Variants in DCBLD1 observed in about 807,000 individuals in gnomAD.
DCBLD1 encodes the protein discoidin, CUB and LCCL domain containing 1, also known as discoidin, CUB and LCCL domain-containing protein 1.
Under a neutral mutation model 71.5 loss-of-function variants are expected in DCBLD1, and 57 were observed. The observed-to-expected ratio is 0.80, with a 90% CI of 0.64 to 0.99. The LOEUF (loss-of-function observed/expected upper bound fraction) is 0.99, where lower values mean the gene tolerates loss of function less well. Among genes scored for constraint, DCBLD1 ranks in the 50% least tolerant of loss-of-function variants. The pLI, the probability that DCBLD1 is intolerant of heterozygous loss-of-function variation, is 0.00. For synonymous variants in DCBLD1, 380 were observed against 363.8 expected, an observed-to-expected ratio of 1.04 and a Z score of -0.51; for missense variants, 891 against 923.5, an observed-to-expected ratio of 0.96 and a Z score of 0.46.
chr6:117,549,059 G>A lies in DCBLD1; in HGVS notation c.*620G>A, dbSNP rs1364748357. 3 of 986,068 alleles carry A rather than the reference G, an allele frequency of 3.0e-6. No individual in the cohort carries two copies. The highest frequency in any genetic ancestry group is 3.6e-6 in the Non-Finnish European group (3 of 830,552). 61.1% of individuals were successfully genotyped at this position (986,068 alleles called of 1,614,324 possible). A position where few individuals can be genotyped will look rare whatever the true frequency, so the allele number is the denominator to read the frequency against. ...GGGTGGTTGTTTATTTAGCAATTAT[G>A]ACTGTAGATTTAAAAACAAGCAAAG... On this transcript the variant is annotated 3_prime_UTR_variant, in exon 15 of 15. Coordinates refer to ENST00000338728, the MANE Select transcript of DCBLD1 (RefSeq NM_001366458.2).
At chr6:117,543,007 C>A in intron 11 of DCBLD1, 117 bp from the exon 12 acceptor site, 1 of 813,654 alleles carries the variant, frequency 1.2e-6, no homozygotes, top group Non-Finnish European at 2.1e-6. Context: ...AACATGTATT[C>A]ATTTTCCCCC....
chr6:117,514,021 T>G (rs535425163), intron 2 of DCBLD1, among the ~76,000 whole-genome samples: 1 of 152,276 alleles, frequency 6.6e-6, no homozygotes, highest in South Asian at 2.1e-4. Context: ...ACTGAGGACA[T>G]TGCTTAGGAC....
intron 2 of DCBLD1, among the ~76,000 whole-genome samples, chr6:117,518,264 C>G (rs1481782359): frequency 6.6e-6 from 1 of 152,196 alleles, no homozygotes; most frequent in Admixed American, 6.5e-5. Flanking sequence ...CACCTTTGCT[C>G]CAGTTCCCAA....
At chr6:117,504,796 A>T (rs1777784333) in intron 2 of DCBLD1, among the ~76,000 whole-genome samples, 1 of 152,218 alleles carries the variant, frequency 6.6e-6, no homozygotes, top group Non-Finnish European at 1.5e-5. Context: ...TGAAAACGAT[A>T]ACAAAATCTT....
rs183411442 is a variant in DCBLD1 at position 117,489,651 on chromosome 6, G to A, written c.112+6758G>A. ...TGTAATCCCAGCACTTTGGGAGGCC[G>A]AGGCGGGTGGATCACAAGGTCAGGA... On this transcript the variant is annotated intron_variant, in intron 1 of 14. Transcript: ENST00000338728. 3.8e-3 allele frequency among the ~76,000 whole-genome samples: 579 copies of A among 152,302 alleles called. 4 individuals are homozygous for A. Among genetic ancestry groups the A allele is most frequent in the Non-Finnish European group, 6.9e-3 (471 of 68,018 alleles).
At chr6:117,550,768 G>A (rs928451507), downstream of DCBLD1, among the ~76,000 whole-genome samples, 1 of 152,162 alleles carries the variant, frequency 6.6e-6, no homozygotes, top group Non-Finnish European at 1.5e-5. Flanking sequence ...AGCAGTCCAA[G>A]TGTGGCCACC....
intron 5 of DCBLD1, among the ~76,000 whole-genome samples, chr6:117,526,743 G>A (rs1005009490): frequency 1.3e-5 from 2 of 152,154 alleles, no homozygotes; most frequent in Non-Finnish European, 1.5e-5. Context: ...CAAAGAACTC[G>A]GATTAGTGCC....
chr6:117,513,279 C>A (rs914444754), intron 2 of DCBLD1, among the ~76,000 whole-genome samples: 3 of 152,118 alleles, frequency 2.0e-5, no homozygotes, highest in African/African-American at 7.2e-5. Flanking sequence ...GAAATAGTAG[C>A]CCGAAACAGG....
intron 2 of DCBLD1, among the ~76,000 whole-genome samples, chr6:117,516,334 C>G (rs1282551478): frequency 6.7e-6 from 1 of 150,308 alleles, no homozygotes; most frequent in Non-Finnish European, 1.5e-5. Flanking sequence ...GCACTCCAGC[C>G]TGGGGACAGA....
chr6:117,505,193 A>G (rs1777798192), intron 2 of DCBLD1, among the ~76,000 whole-genome samples: 1 of 152,194 alleles, frequency 6.6e-6, no homozygotes, highest in African/African-American at 2.4e-5. Context: ...ATTGTTGGTA[A>G]CTTTTTAACT....
chr6:117,545,560 G>A lies in DCBLD1; in HGVS notation c.1578G>A (p.Met526Ile). The stretch of plus-strand genomic sequence containing the variant: ...TCAGCTATGATAATGAGAAGGAGAT[G>A]ACACAAAAGTTAGATCTCATCACAA... ...FTISYDNEKE[M>I]TQKLDLITSD... is the part of the protein sequence containing the mutation. The change falls in exon 14 of 15, where the codon ATG becomes ATA. Residue 526 changes from methionine (M) to isoleucine (I), a missense_variant. Transcript: ENST00000338728. 1 of 1,614,132 alleles carries A rather than the reference G, an allele frequency of 6.2e-7. No homozygotes were observed. The highest frequency in any genetic ancestry group is 8.5e-7 in the Non-Finnish European group (1 of 1,180,020).
At chr6:117,542,166 G>T (rs1425923577) in intron 11 of DCBLD1, among the ~76,000 whole-genome samples, 4 of 151,836 alleles carry the variant, frequency 2.6e-5, no homozygotes, top group Non-Finnish European at 4.4e-5. Flanking sequence ...GGCAGCATGC[G>T]CCTGTAGTCC....
chr6:117,505,766 C>T (rs1277540677), intron 2 of DCBLD1, among the ~76,000 whole-genome samples: 1 of 151,972 alleles, frequency 6.6e-6, no homozygotes, highest in African/African-American at 2.4e-5. Flanking sequence ...GGAGTTCAAG[C>T]GATACAGCCT....
intron 1 of DCBLD1, among the ~76,000 whole-genome samples, chr6:117,501,803 A>G (rs774864990): frequency 2.0e-5 from 3 of 152,158 alleles, no homozygotes; most frequent in Non-Finnish European, 4.4e-5. Context: ...GTGTTTACCA[A>G]CTGCCAGGGA....
chr6:117,543,778 C>A (rs1414509603), intron 12 of DCBLD1, among the ~76,000 whole-genome samples: 1 of 152,142 alleles, frequency 6.6e-6, no homozygotes, highest in Non-Finnish European at 1.5e-5. Flanking sequence ...TGTGCTTCTC[C>A]TCCCTGAAGA....
At chr6:117,499,376 C>A (rs1041327191) in intron 1 of DCBLD1, among the ~76,000 whole-genome samples, 1 of 150,766 alleles carries the variant, frequency 6.6e-6, no homozygotes, top group African/African-American at 2.4e-5. Flanking sequence ...CACTGTATTC[C>A]AGCCTGGGTG....
chr6:117,545,669 A>G (rs1373961433), intron 14 of DCBLD1, 72 bp downstream of exon 14: 5 of 1,541,078 alleles, frequency 3.2e-6, no homozygotes, highest in Non-Finnish European at 4.4e-6. Context: ...GACAGGAGAG[A>G]AATAAGGCAA....
chr6:117,493,461 G>A (rs866857814), intron 1 of DCBLD1, among the ~76,000 whole-genome samples: 2 of 151,902 alleles, frequency 1.3e-5, no homozygotes, highest in Non-Finnish European at 2.9e-5. Flanking sequence ...AGAGTACTTC[G>A]ATAATTTAAA....
intron 1 of DCBLD1, among the ~76,000 whole-genome samples, chr6:117,501,365 T>C (rs1777653809): frequency 6.6e-6 from 1 of 152,126 alleles, no homozygotes; most frequent in Non-Finnish European, 1.5e-5. Flanking sequence ...AGACGGAATC[T>C]CACTCTTGCC....
Sources: allele counts gnomAD v4.1 joint callset (sites outside exome capture counted in the v4.1 genomes callset), GRCh38; gene constraint gnomAD v4.1.1; transcripts MANE v1.5; gene names NCBI Gene and HGNC (gene_info 2026-07-23, HGNC 2026-07-21).